The following ZNF816 variants were observed in gnomAD, a reference collection of about 807,000 sequenced individuals.
ZNF816 encodes zinc finger protein 816.
A neutral mutation model predicts 8.3 loss-of-function variants in ZNF816; 11 were observed. The ratio of observed to expected loss-of-function variants is 1.32; its 90% CI spans 0.83 to 2.19. The LOEUF (loss-of-function observed/expected upper bound fraction) is 2.19, where lower values mean the gene tolerates loss of function less well. ZNF816 is among the 30% of genes most tolerant of loss of function. The pLI is 0.00. For missense variants in ZNF816, 710 were observed against 779.3 expected, an observed-to-expected ratio of 0.91 and a Z score of 1.06; for synonymous variants, 255 against 254.5, an observed-to-expected ratio of 1.00 and a Z score of -0.02.
In ZNF816 at chr19:52,950,438, ACT is replaced by A. The variant is rs773363101; in HGVS notation, c.1335_1336del (p.Arg445SerfsTer11). On this transcript the variant is annotated frameshift_variant, in exon 4 of 4. Coordinates refer to ENST00000444460, the MANE Select transcript of ZNF816 (RefSeq NM_001202457.3). LOFTEE classifies it low-confidence loss of function (END_TRUNC). ...CTTGTATGGTTTCTCTCCAGTATGA[ACT>A]CTCTGATGTTCTGCAAGGTATGAAT... 4.3e-6 allele frequency: 7 copies of A among 1,612,344 alleles called. No individual in the cohort carries two copies. Among genetic ancestry groups the A allele is most frequent in the Admixed American group, 1.7e-5 (1 of 59,834 alleles).
Position 52,953,530 on chromosome 19 carries a change from A to ATATATT in ZNF816, c.64-654_64-653insAATATA, listed in dbSNP as rs1555745145. 1.5e-4 allele frequency: 8 copies of ATATATT among 52,574 alleles called. No homozygotes were observed. In the African/African-American group the frequency reaches 1.8e-3, roughly 12 times the overall value. 3.3% of individuals were successfully genotyped at this position (52,574 alleles called of 1,614,324 possible). ...ATTATATATAATATATATTTATAAT[A>ATATATT]TATAATATATAATACAATATTATAT... On this transcript the variant is annotated intron_variant, in intron 2 of 3. Transcript: ENST00000444460.
intron 1 of ZNF816, among the ~76,000 whole-genome samples, chr19:52,956,519 G>A (rs1176631521): frequency 2.0e-5 from 3 of 152,178 alleles, no homozygotes; most frequent in East Asian, 1.9e-4. Flanking sequence ...TTGAGTGTGG[G>A]TCCCATCCTA....
intron 3 of ZNF816, 162 bp downstream of exon 3, chr19:52,952,588 TA>T: frequency 7.3e-7 from 1 of 1,361,218 alleles, no homozygotes; most frequent in Non-Finnish European, 9.9e-7. Context: ...GAAGAGTCTC[TA>T]AGAAGCTGTC....
At position 52,950,616 on chromosome 19, in the gene ZNF816, G is replaced by A. The variant is rs2083448511; in HGVS notation, c.1159C>T (p.His387Tyr). The change falls in exon 4 of 4, where the codon CAT becomes TAT. Residue 387 changes from histidine to tyrosine, a missense_variant. By Grantham distance (83) the His-to-Tyr change is moderately conservative. Coordinates refer to ENST00000444460, the MANE Select transcript of ZNF816 (RefSeq NM_001202457.3). ...TTCTCTCCAGTGTGAAGTATATGAT[G>A]GCATTGAAGGGATGATTTCTGACTG... ...TFSQKSSLQC[H>Y]HILHTGEKPY... 6.2e-7 allele frequency: 1 copy of A among 1,614,138 alleles called. No individual in the cohort carries two copies.
Position 52,950,518 on chromosome 19 carries a change from A to G in ZNF816, c.1257T>C (p.His419=). Residue 419 remains histidine, a synonymous_variant, in exon 4 of 4, where the codon CAT becomes CAC. Coordinates refer to ENST00000444460, the MANE Select transcript of ZNF816 (RefSeq NM_001202457.3). ...TACATTTGTATGATCCCTCTCCAGT[A>G]TGAATCTTCCTATGTCTTTCAAGGT... is the stretch of plus-strand genomic sequence containing the variant. ...RSHLERHRKI[H]TGEGSYKCKV... is the part of the protein sequence containing the mutation. 4.3e-6 allele frequency: 7 copies of G among 1,613,424 alleles called. No homozygotes were observed. The highest frequency in any genetic ancestry group is 5.9e-6 in the Non-Finnish European group (7 of 1,179,652).
chr19:52,956,845 G>C (rs1206182706), intron 1 of ZNF816, among the ~76,000 whole-genome samples: 2 of 152,214 alleles, frequency 1.3e-5, no homozygotes, highest in African/African-American at 4.8e-5. Flanking sequence ...TAAATAGCCA[G>C]ACGACCTTGG....
In ZNF816 at chr19:52,950,588, G is replaced by C; in HGVS notation, c.1187C>G (p.Pro396Arg). ...CHHILHTGEK[P>R]YKCEECDNVY... is the part of the protein sequence containing the mutation. ...ATTGTCACATTCTTCACATTTGTAAGGTTTCTCTCCAGTGTGAAGTATATG... is the reference window on the plus strand; with the variant it reads ...ATTGTCACATTCTTCACATTTGTAACGTTTCTCTCCAGTGTGAAGTATATG... Residue 396 changes from proline (P) to arginine (R), a missense_variant, in exon 4 of 4, where the codon CCT becomes CGT. Coordinates refer to ENST00000444460, the MANE Select transcript of ZNF816 (RefSeq NM_001202457.3). The C allele has an allele frequency of 6.2e-7, 1 of 1,614,138 alleles. No individual in the cohort carries two copies. The highest frequency in any genetic ancestry group is 8.5e-7 in the Non-Finnish European group (1 of 1,180,034).
chr19:52,953,955 C>T (rs1402628116), intron 2 of ZNF816, among the ~76,000 whole-genome samples: 4 of 146,386 alleles, frequency 2.7e-5, no homozygotes, highest in Non-Finnish European at 4.4e-5. Context: ...ACAGGAAAAT[C>T]GCCTGAACTC....
Position 52,949,728 on chromosome 19 carries a change from C to T in ZNF816, c.*91G>A. On this transcript the variant is annotated 3_prime_UTR_variant, in exon 4 of 4. Transcript: ENST00000444460. ...TATGAATGACGTCTGAAAAATTTGC[C>T]ACATTTATTACACTTGTAGATCTCT... 4 of 1,594,622 alleles carry T rather than the reference C, an allele frequency of 2.5e-6. No individual in the cohort carries two copies. The highest frequency in any genetic ancestry group is 3.4e-6 in the Non-Finnish European group (4 of 1,166,700).
At chr19:52,961,766 T>C (rs1372083336) in intron 1 of ZNF816, among the ~76,000 whole-genome samples, 1 of 152,168 alleles carries the variant, frequency 6.6e-6, no homozygotes, top group Non-Finnish European at 1.5e-5. Context: ...GTTTCTCCAG[T>C]TAACGGAAAA....
At chr19:52,952,299 T>G (rs576690690) in intron 3 of ZNF816, among the ~76,000 whole-genome samples, 2 of 152,056 alleles carry the variant, frequency 1.3e-5, no homozygotes, top group African/African-American at 4.8e-5. Context: ...GAACTCAGGA[T>G]GCAGAGGTTG....
chr19:52,952,997 A>G, intron 2 of ZNF816, 120 bp from the exon 3 acceptor site: 1 of 1,447,004 alleles, frequency 6.9e-7, no homozygotes, highest in Non-Finnish European at 9.1e-7. Flanking sequence ...TGACAAATTT[A>G]TGTTAAGGTA....
intron 2 of ZNF816, 144 bp downstream of exon 2, chr19:52,955,883 T>C (rs1393786899): frequency 1.9e-6 from 2 of 1,053,118 alleles, no homozygotes; most frequent in Non-Finnish European, 2.8e-6. Flanking sequence ...TAAGTGAAGA[T>C]GAGAGGGACT....
At chr19:52,959,192 A>G (rs567564455) in intron 1 of ZNF816, among the ~76,000 whole-genome samples, 14 of 152,326 alleles carry the variant, frequency 9.2e-5, no homozygotes, top group African/African-American at 2.9e-4. Context: ...CCTGAACATA[A>G]AGGCCCCCCA....
chr19:52,962,359 C>A (rs1484015127), intron 1 of ZNF816, among the ~76,000 whole-genome samples: 10 of 152,296 alleles, frequency 6.6e-5, no homozygotes. Context: ...CATCTCCCCA[C>A]CCGTAGTAAC....
rs369422358 is a variant in ZNF816, at chr19:52,952,740, A to G, written c.190+11T>C. ...GCAGATTCCTCATGTCTGGAGGGAC[A>G]TTTTCCTCACCCACAAACTCCAGGT... On this transcript the variant is annotated intron_variant, in intron 3 of 3. Coordinates refer to ENST00000444460, the MANE Select transcript of ZNF816 (RefSeq NM_001202457.3). 6 of 1,613,632 alleles carry G rather than the reference A, an allele frequency of 3.7e-6. No individual in the cohort carries two copies. The highest frequency in any genetic ancestry group is 3.4e-6 in the Non-Finnish European group (4 of 1,180,004).
At position 52,951,509 on chromosome 19, in the gene ZNF816, G is replaced by A. The variant is rs146349544; in HGVS notation, c.266C>T (p.Thr89Met). The change falls in exon 4 of 4, where the codon ACG (threonine) becomes ATG (methionine). Residue 89 changes from threonine to methionine, a missense_variant. Physicochemically the swap from Thr to Met is moderately conservative, Grantham distance 81. Transcript: ENST00000444460. ...GTGATGACTTTTATGTCTTTGCAAC[G>A]TCCCTGTGTGGATCACTTCTCCTGT... ...SITGEVIHTG[T>M]LQRHKSHHIG... 1.0e-4 allele frequency: 167 copies of A among 1,611,486 alleles called. No homozygotes were observed. The African/African-American group carries it at 1.9e-3, about 18-fold the overall frequency.
Position 52,950,463 on chromosome 19 carries a change from A to T in ZNF816, c.1312T>A (p.Ser438Thr). ...KVCDKVFRSD[S>T]YLAEHQRVHT... Reference sequence around the variant, plus strand: ...ACTCTCTGATGTTCTGCAAGGTATGAATCACTCCGGAAAACCTTGTCACAA... The same window carrying T: ...ACTCTCTGATGTTCTGCAAGGTATGTATCACTCCGGAAAACCTTGTCACAA... The change falls in exon 4 of 4, where the codon TCA becomes ACA. Residue 438 changes from serine (S) to threonine (T), a missense_variant. Ser to Thr is a moderately conservative substitution (Grantham distance 58). Coordinates refer to ENST00000444460, the MANE Select transcript of ZNF816 (RefSeq NM_001202457.3). 6.2e-7 allele frequency: 1 copy of T among 1,613,688 alleles called. No individual in the cohort carries two copies.
chr19:52,949,403 T>A lies in ZNF816; in HGVS notation c.*416A>T. 1 of 298,962 alleles carries A rather than the reference T, an allele frequency of 3.3e-6. No individual in the cohort carries two copies. The highest frequency in any genetic ancestry group is 6.7e-6 in the Non-Finnish European group (1 of 149,406). The allele number at this position is 298,962 out of a possible 1,614,324, so 18.5% of individuals were successfully genotyped here. ...ATTAAAGTTTTATGATTTTTTATAT[T>A]CATTTTATTTGGAACAATTATCTCA... On this transcript the variant is annotated 3_prime_UTR_variant, in exon 4 of 4. Coordinates refer to ENST00000444460, the MANE Select transcript of ZNF816 (RefSeq NM_001202457.3).
Sources: gnomAD v4.1 joint callset for allele counts (sites outside exome capture counted in the v4.1 genomes callset) on GRCh38, gnomAD v4.1.1 for gene constraint, MANE v1.5 for transcripts, NCBI Gene and HGNC (gene_info 2026-07-23, HGNC 2026-07-21) for gene names.